NRXN1: variants seen among roughly 807,000 people sequenced by gnomAD.
The protein encoded by NRXN1 is neurexin 1, also known as neurexin-1.
In NRXN1, 39 loss-of-function variants were observed where a neutral mutation model predicts 150.9. The observed-to-expected ratio is 0.26, with a 90% CI of 0.20 to 0.34. The LOEUF (loss-of-function observed/expected upper bound fraction) is 0.34, where lower values mean the gene tolerates loss of function less well. NRXN1 is among the 10% of genes least tolerant of loss of function. The pLI is 1.00. For synonymous variants in NRXN1, 924 were observed against 757.0 expected (o/e 1.22, Z -3.62); for missense variants, 1,815 against 1,949.9 (o/e 0.93, Z 1.30).
chr2:50,617,249 CAT>C (rs1435455013), intron 8 of NRXN1, among the ~76,000 whole-genome samples: 1 of 151,964 alleles, frequency 6.6e-6, no homozygotes, highest in East Asian at 1.9e-4. Context: ...CCCTGGCCAA[CAT>C]AGAGTGAAAC....
At chr2:50,305,562 T>A (rs541891898) in intron 17 of NRXN1, among the ~76,000 whole-genome samples, 31 of 152,322 alleles carry the variant, frequency 2.0e-4, no homozygotes, top group African/African-American at 7.5e-4. Context: ...ATACTTTAAA[T>A]CTTAACTTGA....
At chr2:50,984,121 C>A (rs1697292359) in intron 2 of NRXN1, among the ~76,000 whole-genome samples, 2 of 148,516 alleles carry the variant, frequency 1.3e-5, no homozygotes, top group Non-Finnish European at 3.0e-5. Context: ...GTGCTCACTG[C>A]CACGCCAGGC....
intron 5 of NRXN1, among the ~76,000 whole-genome samples, chr2:50,632,195 C>G (rs549924946): frequency 6.6e-5 from 10 of 151,904 alleles, no homozygotes; most frequent in African/African-American, 2.4e-4. Flanking sequence ...TCTATTTAAC[C>G]AAACCCCAAA....
intron 5 of NRXN1, chr2:50,739,172 C>T (rs1019719900): frequency 3.0e-5 from 11 of 361,352 alleles, no homozygotes; most frequent in Non-Finnish European, 5.2e-5. Flanking sequence ...AAAATTCTTA[C>T]AAATCCTTAT....
chr2:50,994,553 C>G (rs1405935492), intron 2 of NRXN1, among the ~76,000 whole-genome samples: 1 of 151,928 alleles, frequency 6.6e-6, no homozygotes, highest in East Asian at 1.9e-4. Flanking sequence ...TAAAGAAAAC[C>G]TCATCATAAT....
At chr2:50,264,231 A>G in intron 17 of NRXN1, among the ~76,000 whole-genome samples, 1 of 152,080 alleles carries the variant, frequency 6.6e-6, no homozygotes, top group East Asian at 1.9e-4. Flanking sequence ...ACAGCTCTCT[A>G]CTGGCTAAAA....
At chr2:50,281,454 A>T (rs532829581) in intron 17 of NRXN1, among the ~76,000 whole-genome samples, 3 of 152,182 alleles carry the variant, frequency 2.0e-5, no homozygotes, top group Admixed American at 6.5e-5. Flanking sequence ...CTTGGATTCA[A>T]ATTCTACCTT....
intron 2 of NRXN1, among the ~76,000 whole-genome samples, chr2:50,984,772 T>A (rs987318865): frequency 6.6e-6 from 1 of 152,062 alleles, no homozygotes; most frequent in Non-Finnish European, 1.5e-5. Context: ...AAGAGGCTTC[T>A]TTAATAGATG....
At chr2:50,163,164 GTA>G (rs59163565) in intron 18 of NRXN1, among the ~76,000 whole-genome samples, 24,876 of 141,678 alleles carry the variant, frequency 0.18, 2,592 homozygotes, top group East Asian at 0.41. Flanking sequence ...AATCCAAAAT[GTA>G]TATATATATA....
intron 2 of NRXN1, among the ~76,000 whole-genome samples, chr2:50,928,579 CA>C (rs538782260): frequency 6.6e-6 from 1 of 151,758 alleles, no homozygotes; most frequent in Non-Finnish European, 1.5e-5. Flanking sequence ...AATGTCGAGT[CA>C]AAAAAGAATA....
chr2:50,370,329 G>A (rs1005472942), intron 17 of NRXN1, among the ~76,000 whole-genome samples: 1 of 151,846 alleles, frequency 6.6e-6, no homozygotes, highest in East Asian at 1.9e-4. Context: ...CATCACCCTG[G>A]ACTTAGTGAA....
intron 5 of NRXN1, among the ~76,000 whole-genome samples, chr2:50,638,011 G>T (rs1683485186): frequency 6.6e-6 from 1 of 152,032 alleles, no homozygotes; most frequent in Non-Finnish European, 1.5e-5. Flanking sequence ...TATTTCAATT[G>T]TGCATCTTTA....
At chr2:50,538,188 T>C in intron 10 of NRXN1, 65 bp downstream of exon 10, 2 of 1,546,584 alleles carry the variant, frequency 1.3e-6, no homozygotes, top group Non-Finnish European at 8.8e-7. Flanking sequence ...CAGTGCAGGT[T>C]TGAGGTCAAC....
intron 8 of NRXN1, among the ~76,000 whole-genome samples, chr2:50,573,145 G>T (rs1358655169): frequency 2.0e-5 from 3 of 152,068 alleles, no homozygotes; most frequent in African/African-American, 7.2e-5. Flanking sequence ...TGGGGCAGGA[G>T]GATTGCTTGA....
At chr2:50,119,697 G>A (rs1248840648) in intron 18 of NRXN1, among the ~76,000 whole-genome samples, 1 of 152,078 alleles carries the variant, frequency 6.6e-6, no homozygotes, top group East Asian at 1.9e-4. Context: ...CTGCTAACAA[G>A]GCAAAAGGAA....
intron 17 of NRXN1, among the ~76,000 whole-genome samples, chr2:50,430,970 A>G (rs1015232474): frequency 8.5e-5 from 13 of 152,130 alleles, no homozygotes; most frequent in Non-Finnish European, 1.6e-4. Flanking sequence ...AGTTCATATG[A>G]TACTAGTTCT....
Position 50,804,719 on chromosome 2 carries a change from C to T in NRXN1, c.832+117150G>A, listed in dbSNP as rs541986111. Among the ~76,000 whole-genome samples the T allele has an allele frequency of 2.0e-5, 3 of 152,240 alleles. No homozygotes were observed. The East Asian group carries it at 5.8e-4, about 29-fold the overall frequency. ...TTTCTTTCTTTTTGCTGATTTCCTT[C>T]CTAATTCCCTCCTCACTACTCCCAC... is the stretch of plus-strand genomic sequence containing the variant. On this transcript the variant is annotated intron_variant, in intron 5 of 22. Transcript: ENST00000401669.
intron 18 of NRXN1, among the ~76,000 whole-genome samples, chr2:50,159,433 C>T (rs576205174): frequency 6.6e-6 from 1 of 152,026 alleles, no homozygotes; most frequent in South Asian, 2.1e-4. Context: ...TTTTTGCTCC[C>T]CACAAAACTA....
chr2:50,914,695 T>C (rs1313001965), intron 5 of NRXN1, among the ~76,000 whole-genome samples: 2 of 151,696 alleles, frequency 1.3e-5, no homozygotes, highest in African/African-American at 2.4e-5. Flanking sequence ...AACTTTTTTG[T>C]TTTCGTTGAC....
Sources: allele counts gnomAD v4.1 joint callset (sites outside exome capture counted in the v4.1 genomes callset), GRCh38; gene constraint gnomAD v4.1.1; transcripts MANE v1.5; gene names NCBI Gene and HGNC (gene_info 2026-07-23, HGNC 2026-07-21).